The following ARHGAP10 variants were observed in gnomAD, a reference collection of about 807,000 sequenced individuals.
The protein encoded by ARHGAP10 is rho GTPase-activating protein 10.
Under a neutral mutation model 108.6 loss-of-function variants are expected in ARHGAP10, and 87 were observed. The observed-to-expected ratio is 0.80, with a 90% confidence interval of 0.67 to 0.96. ARHGAP10 has a LOEUF of 0.96. Among genes scored for constraint, ARHGAP10 ranks in the 40% least tolerant of loss-of-function variants. The pLI is 0.00. For missense variants in ARHGAP10, 939 were observed against 954.5 expected (o/e 0.98, Z 0.21); for synonymous variants, 347 against 341.1 (o/e 1.02, Z -0.19).
At chr4:147,742,576 C>T (rs1484139969) in intron 1 of ARHGAP10, among the ~76,000 whole-genome samples, 7 of 149,782 alleles carry the variant, frequency 4.7e-5, no homozygotes, top group South Asian at 2.1e-4. Flanking sequence ...CTCTGCCTCC[C>T]GGGTTCAAGC....
chr4:147,842,820 A>G (rs1338986252), intron 3 of ARHGAP10, among the ~76,000 whole-genome samples: 1 of 152,160 alleles, frequency 6.6e-6, no homozygotes, highest in Non-Finnish European at 1.5e-5. Flanking sequence ...CTCGCCTGGG[A>G]TGAACTCAGC....
intron 16 of ARHGAP10, among the ~76,000 whole-genome samples, chr4:147,961,861 T>A (rs11945457): frequency 0.22 from 33,543 of 152,030 alleles, 7,030 homozygotes; most frequent in African/African-American, 0.55. Flanking sequence ...GATGACATCG[T>A]ACCTCCCTGG....
intron 1 of ARHGAP10, among the ~76,000 whole-genome samples, chr4:147,813,332 T>A (rs1368239571): frequency 3.9e-5 from 6 of 152,236 alleles, no homozygotes; most frequent in Non-Finnish European, 5.9e-5. Flanking sequence ...GAGAAAGCTC[T>A]CTGAGGACTG....
Position 148,063,165 on chromosome 4 carries a change from C to G in ARHGAP10, c.2045C>G (p.Ser682Trp), listed in dbSNP as rs771126748. Reference protein sequence around the residue: ...WASTIPGQTRSSMVQWLNPQS... With the variant: ...WASTIPGQTRWSMVQWLNPQS... ...ACCCTTAGCCCAGGCCAGACCCGAT[C>G]GTCTATGGTCCAGTGGCTTAACCCA... The change falls in exon 21 of 23, where the codon TCG becomes TGG. Residue 682 changes from serine to tryptophan, a missense_variant. Physicochemically the swap from Ser to Trp is radical, Grantham distance 177. Coordinates refer to ENST00000336498, the MANE Select transcript of ARHGAP10 (RefSeq NM_024605.4). 127 of 1,614,090 alleles carry G rather than the reference C, an allele frequency of 7.9e-5. No homozygotes were observed. Among genetic ancestry groups the G allele is most frequent in the Non-Finnish European group, 1.0e-4 (123 of 1,180,046 alleles).
At chr4:147,744,609 ACTT>A (rs1728828384) in intron 1 of ARHGAP10, among the ~76,000 whole-genome samples, 3 of 151,634 alleles carry the variant, frequency 2.0e-5, no homozygotes, top group African/African-American at 7.3e-5. Flanking sequence ...AGGAGTCAAG[ACTT>A]AGCAGCTGCA....
chr4:147,939,786 T>C, intron 13 of ARHGAP10, 39 bp from the exon 14 acceptor site: 2 of 1,533,114 alleles, frequency 1.3e-6, no homozygotes, highest in Non-Finnish European at 1.8e-6. Context: ...TAAAATATGA[T>C]AGTCTTCTAT....
In ARHGAP10 at chr4:147,759,923, A is replaced by G. The variant is rs541885087; in HGVS notation, c.154+27468A>G. 3.8e-3 allele frequency among the ~76,000 whole-genome samples: 570 copies of G among 151,846 alleles called. 4 individuals carry two copies. The highest frequency in any genetic ancestry group is 0.013 in the African/African-American group (523 of 41,410). On this transcript the variant is annotated intron_variant, in intron 1 of 22. Coordinates refer to ENST00000336498, the MANE Select transcript of ARHGAP10 (RefSeq NM_024605.4). Reference sequence around the variant, plus strand: ...GCCACCATGCCTGGCTAATTTTTGTATTTTTTAGTAGAGACGGTGTTTCAC... The same window carrying G: ...GCCACCATGCCTGGCTAATTTTTGTGTTTTTTAGTAGAGACGGTGTTTCAC...
At chr4:147,943,530 A>G (rs1379143060) in intron 14 of ARHGAP10, among the ~76,000 whole-genome samples, 2 of 152,240 alleles carry the variant, frequency 1.3e-5, no homozygotes, top group African/African-American at 4.8e-5. Context: ...TGCACTTTGC[A>G]TTTAGGTTGG....
At chr4:148,038,219 C>T (rs1302659555) in intron 19 of ARHGAP10, among the ~76,000 whole-genome samples, 2 of 152,170 alleles carry the variant, frequency 1.3e-5, no homozygotes, top group Non-Finnish European at 2.9e-5. Context: ...AGATACCACT[C>T]TCCTTTTCAG....
intron 1 of ARHGAP10, among the ~76,000 whole-genome samples, chr4:147,814,514 G>T (rs1055747264): frequency 2.0e-5 from 3 of 152,052 alleles, no homozygotes; most frequent in African/African-American, 7.2e-5. Context: ...TTTGCTTTGG[G>T]CCCTAAGTGT....
chr4:147,998,991 G>A (rs888541436), intron 18 of ARHGAP10, among the ~76,000 whole-genome samples: 1 of 152,138 alleles, frequency 6.6e-6, no homozygotes, highest in East Asian at 1.9e-4. Context: ...GGAAAATTTT[G>A]CACTATCCAC....
At chr4:147,878,955 A>G (rs2126868139) in intron 8 of ARHGAP10, among the ~76,000 whole-genome samples, 1 of 151,942 alleles carries the variant, frequency 6.6e-6, no homozygotes, top group African/African-American at 2.4e-5. Flanking sequence ...TTTTTTTAGT[A>G]GAGATGGAGT....
intron 10 of ARHGAP10, among the ~76,000 whole-genome samples, chr4:147,894,471 A>G (rs1366782218): frequency 6.6e-6 from 1 of 152,226 alleles, no homozygotes; most frequent in Non-Finnish European, 1.5e-5. Context: ...GGATATAATA[A>G]TAGTGAATAT....
intron 3 of ARHGAP10, among the ~76,000 whole-genome samples, chr4:147,827,454 G>C (rs1732758042): frequency 6.6e-6 from 1 of 152,176 alleles, no homozygotes; most frequent in Non-Finnish European, 1.5e-5. Flanking sequence ...CACATGGAGT[G>C]GGCAGCCCCT....
chr4:147,842,580 T>G (rs1733460397), intron 3 of ARHGAP10, among the ~76,000 whole-genome samples: 1 of 152,226 alleles, frequency 6.6e-6, no homozygotes, highest in African/African-American at 2.4e-5. Context: ...GACACCGAGC[T>G]GCTTAGGTTC....
chr4:148,004,060 T>G (rs1740847253), intron 18 of ARHGAP10, among the ~76,000 whole-genome samples: 1 of 147,932 alleles, frequency 6.8e-6, no homozygotes, highest in Non-Finnish European at 1.5e-5. Context: ...GCAGTGTCTA[T>G]CAAAGCTTGA....
intron 13 of ARHGAP10, among the ~76,000 whole-genome samples, chr4:147,924,985 A>T (rs79327073): frequency 0.047 from 6,938 of 148,560 alleles, 227 homozygotes; most frequent in African/African-American, 0.093. Flanking sequence ...TTTTTTTTTT[A>T]AAATAGCAAT....
chr4:147,888,606 A>G (rs1252956992), intron 10 of ARHGAP10, among the ~76,000 whole-genome samples: 1 of 152,194 alleles, frequency 6.6e-6, no homozygotes, highest in African/African-American at 2.4e-5. Context: ...TGTTGTGTTC[A>G]TATCCTTTAG....
intron 18 of ARHGAP10, among the ~76,000 whole-genome samples, chr4:147,991,008 C>T (rs1740252157): frequency 6.6e-6 from 1 of 151,994 alleles, no homozygotes; most frequent in Admixed American, 6.6e-5. Context: ...GAGAGAGACC[C>T]TGTCTCAATA....
Sources: gnomAD v4.1 joint callset for allele counts (sites outside exome capture counted in the v4.1 genomes callset) on GRCh38, gnomAD v4.1.1 for gene constraint, MANE v1.5 for transcripts, NCBI Gene and HGNC (gene_info 2026-07-23, HGNC 2026-07-21) for gene names.